Variants in LRIG2 observed in about 807,000 individuals in gnomAD.
LRIG2 encodes the protein leucine-rich repeats and immunoglobulin-like domains protein 2.
A neutral mutation model predicts 107.8 loss-of-function variants in LRIG2; 93 were observed. That is an observed-to-expected ratio of 0.86 (90% CI 0.73 to 1.03). The LOEUF is 1.03. Ranked by LOEUF, LRIG2 falls within the 50% of genes least tolerant of loss-of-function variation. The pLI is 0.00. For missense variants in LRIG2, 1,226 were observed against 1,296.0 expected, an observed-to-expected ratio of 0.95 and a Z score of 0.83; for synonymous variants, 471 against 470.6, an observed-to-expected ratio of 1.00 and a Z score of -0.01.
At chr1:113,091,744 GCAT>G (rs1340780720) in intron 2 of LRIG2, among the ~76,000 whole-genome samples, 1 of 152,168 alleles carries the variant, frequency 6.6e-6, no homozygotes, top group Admixed American at 6.5e-5. Flanking sequence ...AAGATTGGGA[GCAT>G]CATGTCTAAA....
At position 113,098,802 on chromosome 1, in the gene LRIG2, T is replaced by C. The variant is rs1450700747; in HGVS notation, c.1172+17T>C. ...CACTAAACTGTATGTATTATAATAT[T>C]TATGTATGTCTACATAGGCATGTTT... On this transcript the variant is annotated intron_variant, in intron 9 of 17. Transcript: ENST00000361127. 1 of 1,463,826 alleles carries C rather than the reference T, an allele frequency of 6.8e-7. No homozygotes were observed. The highest frequency in any genetic ancestry group is 1.4e-5 in the African/African-American group (1 of 72,048). 90.7% of individuals were successfully genotyped at this position (1,463,826 alleles called of 1,614,324 possible).
chr1:113,098,936 T>TGTTC, intron 9 of LRIG2, 151 bp downstream of exon 9: 1 of 599,614 alleles, frequency 1.7e-6, no homozygotes, highest in African/African-American at 1.9e-5. Context: ...TTTGTTTGTT[T>TGTTC]GTTCGTTTTT....
intron 13 of LRIG2, 111 bp downstream of exon 13, chr1:113,110,673 T>A (rs1654737934): frequency 1.3e-6 from 1 of 792,334 alleles, no homozygotes; most frequent in African/African-American, 1.7e-5. Context: ...GGACTCTTAC[T>A]GTTATTGTCT....
intron 17 of LRIG2, among the ~76,000 whole-genome samples, chr1:113,121,316 C>T (rs1655244543): frequency 6.6e-6 from 1 of 152,164 alleles, no homozygotes; most frequent in Non-Finnish European, 1.5e-5. Flanking sequence ...ATTTGATAAC[C>T]TACTTGGCAT....
Position 113,081,134 on chromosome 1 carries a change from C to G in LRIG2, c.239+7489C>G, listed in dbSNP as rs74672433. Among the ~76,000 whole-genome samples the G allele has an allele frequency of 3.2e-3, 492 of 152,256 alleles. 2 individuals are homozygous for G. The highest frequency in any genetic ancestry group is 0.011 in the African/African-American group (464 of 41,552). ...GGGATTCCACGCATGAGCCACCGCG[C>G]CTGGCCCAAAAAGTTATTACTAACT... On this transcript the variant is annotated intron_variant, in intron 1 of 17. Transcript: ENST00000361127.
intron 13 of LRIG2, among the ~76,000 whole-genome samples, chr1:113,112,121 T>G (rs892707248): frequency 6.6e-6 from 1 of 151,932 alleles, no homozygotes; most frequent in Non-Finnish European, 1.5e-5. Flanking sequence ...GAAGAAAAGA[T>G]GTTCTCAAAA....
intron 14 of LRIG2, among the ~76,000 whole-genome samples, chr1:113,113,468 AT>A (rs66722260): frequency 0.11 from 17,160 of 149,860 alleles, 1,096 homozygotes; most frequent in Admixed American, 0.17. Flanking sequence ...TATTATTATT[AT>A]TTTTTTTAAG....
Position 113,104,409 on chromosome 1 carries a change from T to C in LRIG2, c.1314-3185T>C, listed in dbSNP as rs61817893. Among the ~76,000 whole-genome samples, 871 of 152,230 alleles carry C rather than the reference T, an allele frequency of 5.7e-3. 5 individuals are homozygous for C. Among genetic ancestry groups the C allele is most frequent in the Non-Finnish European group, 9.6e-3 (651 of 68,014 alleles). On this transcript the variant is annotated intron_variant, in intron 11 of 17. Transcript: ENST00000361127. The stretch of plus-strand genomic sequence containing the variant: ...TGGGTTGAAAAGGAAAAAGAACAAT[T>C]GGAAATAGCCTAAGTATTTTATCTA...
intron 1 of LRIG2, among the ~76,000 whole-genome samples, chr1:113,076,799 T>C (rs557138201): frequency 6.6e-6 from 1 of 152,370 alleles, no homozygotes; most frequent in South Asian, 2.1e-4. Flanking sequence ...ATACTGTCTT[T>C]ATGCTTCTCT....
At chr1:113,116,088 A>G (rs938171566) in intron 15 of LRIG2, among the ~76,000 whole-genome samples, 199 bp from the exon 16 acceptor site, 2 of 152,206 alleles carry the variant, frequency 1.3e-5, no homozygotes, top group African/African-American at 4.8e-5. Flanking sequence ...TGTTTCTTTC[A>G]ATGAAACTTT....
At chr1:113,078,354 T>G (rs182838911) in intron 1 of LRIG2, among the ~76,000 whole-genome samples, 1 of 152,174 alleles carries the variant, frequency 6.6e-6, no homozygotes, top group Non-Finnish European at 1.5e-5. Flanking sequence ...TTCTCCTGCC[T>G]TAGTCTCCCA....
chr1:113,080,019 A>ATTTT (rs35584269), intron 1 of LRIG2, among the ~76,000 whole-genome samples: 21 of 112,608 alleles, frequency 1.9e-4, no homozygotes, highest in South Asian at 2.8e-4. Flanking sequence ...CCTGGCCCGA[A>ATTTT]TTTTTTTTTT....
chr1:113,112,985 A>G (rs1037524663), intron 14 of LRIG2, among the ~76,000 whole-genome samples: 2 of 152,206 alleles, frequency 1.3e-5, no homozygotes, highest in Non-Finnish European at 2.9e-5. Context: ...TCCTTGTCAC[A>G]ATAATTGAAA....
chr1:113,123,723 G>GTTTTT (rs139220276), intron 17 of LRIG2, 152 bp from the exon 18 acceptor site: 6 of 551,476 alleles, frequency 1.1e-5, no homozygotes, highest in African/African-American at 1.0e-4. Flanking sequence ...TCTGGTGGTG[G>GTTTTT]TTTTTGTGTG....
At chr1:113,102,999 GC>G (rs1553229206) in intron 11 of LRIG2, among the ~76,000 whole-genome samples, 7 of 86,908 alleles carry the variant, frequency 8.1e-5, no homozygotes, top group African/African-American at 4.5e-4. Context: ...AGTATACTCC[GC>G]CCCCCTCCTT....
At chr1:113,104,294 C>T (rs1654439285) in intron 11 of LRIG2, among the ~76,000 whole-genome samples, 1 of 152,218 alleles carries the variant, frequency 6.6e-6, no homozygotes, top group Non-Finnish European at 1.5e-5. Flanking sequence ...TTTTCCTTCT[C>T]ATTCTGGACT....
chr1:113,116,643 CAA>C (rs1472539288), intron 16 of LRIG2, among the ~76,000 whole-genome samples: 2 of 152,244 alleles, frequency 1.3e-5, no homozygotes, highest in South Asian at 2.1e-4. Flanking sequence ...ACACATTAAA[CAA>C]GAGATCAGAG....
chr1:113,095,845 T>C, intron 6 of LRIG2, 29 bp from the exon 7 acceptor site: 1 of 1,613,518 alleles, frequency 6.2e-7, no homozygotes, highest in Non-Finnish European at 8.5e-7. Flanking sequence ...TTTTGGAACG[T>C]ATTTTCTTCT....
At chr1:113,093,319 GA>G (rs1653906480) in intron 3 of LRIG2, 39 bp downstream of exon 3, 1 of 1,551,320 alleles carries the variant, frequency 6.4e-7, no homozygotes, top group African/African-American at 1.4e-5. Flanking sequence ...CTTAAATTAT[GA>G]AAAGTATACA....
Sources: allele counts gnomAD v4.1 joint callset (sites outside exome capture counted in the v4.1 genomes callset), GRCh38; gene constraint gnomAD v4.1.1; transcripts MANE v1.5; gene names NCBI Gene and HGNC (gene_info 2026-07-23, HGNC 2026-07-21).